Variants in ATP6V1G1 observed in about 807,000 individuals in gnomAD.
The protein encoded by ATP6V1G1 is V-type proton ATPase subunit G 1.
In ATP6V1G1, 14 loss-of-function variants were observed where a neutral mutation model predicts 14.2. That is an observed-to-expected ratio of 0.99 (90% CI 0.65 to 1.55). The LOEUF is 1.55. Ranked by LOEUF, ATP6V1G1 falls within the 40% of genes most tolerant of loss-of-function variation. The pLI is 0.00. For synonymous variants in ATP6V1G1, 65 were observed against 53.3 expected (o/e 1.22, Z -0.96); for missense variants, 137 against 146.4 (o/e 0.94, Z 0.33).
chr9:114,587,790 C>A lies in ATP6V1G1; in HGVS notation c.-49C>A. 1.9e-6 allele frequency: 3 copies of A among 1,547,028 alleles called. No individual in the cohort carries two copies. The highest frequency in any genetic ancestry group is 8.8e-7 in the Non-Finnish European group (1 of 1,142,734). On this transcript the variant is annotated 5_prime_UTR_variant, in exon 1 of 3. Coordinates refer to ENST00000374050, the MANE Select transcript of ATP6V1G1 (RefSeq NM_004888.4). ...GGCTGTGTCAGCTGACCCAAGGGGC[C>A]TTCGAGGTGCCTTAGGCCGCTTGCC...
chr9:114,597,237 G>A (rs1436280556), intron 2 of ATP6V1G1, among the ~76,000 whole-genome samples: 2 of 151,978 alleles, frequency 1.3e-5, no homozygotes, highest in African/African-American at 2.4e-5. Flanking sequence ...TGATCCGCCC[G>A]CCTCGGCCTC....
At chr9:114,597,472 G>C in intron 2 of ATP6V1G1, 98 bp from the exon 3 acceptor site, 1 of 1,269,982 alleles carries the variant, frequency 7.9e-7, no homozygotes, top group South Asian at 2.2e-5. Context: ...AGGTGAGCCT[G>C]GGTTTCTCCA....
At chr9:114,588,020 G>GAA in intron 1 of ATP6V1G1, 100 bp downstream of exon 1, 1 of 1,289,644 alleles carries the variant, frequency 7.8e-7, no homozygotes, top group Non-Finnish European at 1.1e-6. Flanking sequence ...TGCGGGGTGC[G>GAA]GGCGTGCGTA....
In ATP6V1G1 at chr9:114,594,280, G is replaced by A. The variant is rs148349954; in HGVS notation, c.183+1628G>A. On this transcript the variant is annotated intron_variant, in intron 2 of 2. Transcript: ENST00000374050. ...GATGGGGTTTCTCCTTGTTGGTCAGGCTTGTCTTGAACTCCCGACCGCAGG... is the reference window on the plus strand; with the variant it reads ...GATGGGGTTTCTCCTTGTTGGTCAGACTTGTCTTGAACTCCCGACCGCAGG... Among the ~76,000 whole-genome samples, 476 of 151,996 alleles carry A rather than the reference G, an allele frequency of 3.1e-3. 2 individuals are homozygous for A. The highest frequency in any genetic ancestry group is 0.011 in the African/African-American group (458 of 41,472).
At chr9:114,597,466 G>A (rs575833589) in intron 2 of ATP6V1G1, 104 bp from the exon 3 acceptor site, 4 of 1,208,908 alleles carry the variant, frequency 3.3e-6, no homozygotes, top group Non-Finnish European at 4.4e-6. Flanking sequence ...ACTGATAGGT[G>A]AGCCTGGGTT....
chr9:114,592,913 A>C (rs1053824502), intron 2 of ATP6V1G1, among the ~76,000 whole-genome samples: 9 of 152,224 alleles, frequency 5.9e-5, no homozygotes, highest in African/African-American at 2.2e-4. Context: ...GCTAGATGCT[A>C]GGGATCAGTT....
At chr9:114,591,389 AT>A (rs768596229) in intron 1 of ATP6V1G1, among the ~76,000 whole-genome samples, 16 of 152,302 alleles carry the variant, frequency 1.1e-4, no homozygotes, top group Middle Eastern at 3.4e-3. Context: ...CATGAGTGTT[AT>A]TTATAGATTG....
At chr9:114,589,528 A>G (rs1214387026) in intron 1 of ATP6V1G1, among the ~76,000 whole-genome samples, 2 of 152,120 alleles carry the variant, frequency 1.3e-5, no homozygotes, top group East Asian at 1.9e-4. Flanking sequence ...TGTCTCCTCT[A>G]CTTGTGCAGT....
At chr9:114,592,193 A>T (rs1845188884) in intron 1 of ATP6V1G1, among the ~76,000 whole-genome samples, 1 of 152,204 alleles carries the variant, frequency 6.6e-6, no homozygotes, top group South Asian at 2.1e-4. Context: ...AGCATACTTA[A>T]GGTGTTTACT....
chr9:114,597,173 G>T (rs1845248378), intron 2 of ATP6V1G1, among the ~76,000 whole-genome samples: 1 of 151,550 alleles, frequency 6.6e-6, no homozygotes, highest in South Asian at 2.1e-4. Context: ...TGTATTTTTA[G>T]TAGAGACGGG....
intron 1 of ATP6V1G1, chr9:114,588,230 C>G (rs1011938375): frequency 9.0e-6 from 3 of 335,030 alleles, no homozygotes; most frequent in East Asian, 5.3e-5. Context: ...CTTAACCGCT[C>G]TGGGGTGGTC....
In ATP6V1G1 at chr9:114,592,668, T is replaced by G; in HGVS notation, c.183+16T>G. On this transcript the variant is annotated intron_variant, in intron 2 of 2. Transcript: ENST00000374050. ...GGAAGCTGCGGTGGGGCACCATTTG[T>G]TTTTGTTACTGCTTTAGTTTCTGAT... 6.4e-7 allele frequency: 1 copy of G among 1,559,502 alleles called. No homozygotes were observed. The highest frequency in any genetic ancestry group is 8.7e-7 in the Non-Finnish European group (1 of 1,150,648).
chr9:114,591,811 T>C (rs1261054547), intron 1 of ATP6V1G1, among the ~76,000 whole-genome samples: 1 of 152,204 alleles, frequency 6.6e-6, no homozygotes, highest in Non-Finnish European at 1.5e-5. Context: ...CCTCTCTTTT[T>C]TTTTTTTTAT....
At position 114,597,077 on chromosome 9, in the gene ATP6V1G1, G is replaced by A. The variant is rs978743641; in HGVS notation, c.184-493G>A. ...GCGATCTTGGCTCACTGCAAGCTCC[G>A]CCTCCCGGGTTCACGCCATTCTCCT... On this transcript the variant is annotated intron_variant, in intron 2 of 2. Transcript: ENST00000374050. 4.4e-5 allele frequency among the ~76,000 whole-genome samples: 6 copies of A among 136,326 alleles called. No homozygotes were observed. In the East Asian group the frequency reaches 1.2e-3, roughly 28 times the overall value. 89.4% of individuals were successfully genotyped at this position (136,326 alleles called of 152,430 possible).
chr9:114,588,268 C>A (rs183110092), intron 1 of ATP6V1G1: 3 of 278,862 alleles, frequency 1.1e-5, no homozygotes, highest in Admixed American at 1.1e-4. Flanking sequence ...CCAGCATCCA[C>A]ACAGTTGCTT....
At position 114,595,905 on chromosome 9, in the gene ATP6V1G1, GTATA is replaced by G. The variant is rs1248148015; in HGVS notation, c.184-1660_184-1657del. ...GGATGTTATTAGCATATATATATAT[GTATA>G]TATAGTGAGGCAAGAACAGGTTAGG... is the stretch of plus-strand genomic sequence containing the variant. On this transcript the variant is annotated intron_variant, in intron 2 of 2. Transcript: ENST00000374050. Among the ~76,000 whole-genome samples, 17 of 152,156 alleles carry G rather than the reference GTATA, an allele frequency of 1.1e-4. No homozygotes were observed. In the South Asian group the frequency reaches 3.5e-3, roughly 32 times the overall value.
At chr9:114,597,285 C>T (rs1845249715) in intron 2 of ATP6V1G1, among the ~76,000 whole-genome samples, 1 of 152,094 alleles carries the variant, frequency 6.6e-6, no homozygotes, top group Admixed American at 6.5e-5. Flanking sequence ...CCACCGCGCC[C>T]GGCCTATATA....
At chr9:114,597,365 A>G (rs959485050) in intron 2 of ATP6V1G1, among the ~76,000 whole-genome samples, 4 of 152,210 alleles carry the variant, frequency 2.6e-5, no homozygotes, top group African/African-American at 7.2e-5. Flanking sequence ...AATACTGTGT[A>G]GTTTACTTTT....
intron 1 of ATP6V1G1, among the ~76,000 whole-genome samples, chr9:114,591,085 C>T (rs561558807): frequency 9.2e-5 from 14 of 152,288 alleles, no homozygotes; most frequent in African/African-American, 2.6e-4. Context: ...TGAGCCAGCG[C>T]GCCCGGCGTG....
Sources: allele counts gnomAD v4.1 joint callset (sites outside exome capture counted in the v4.1 genomes callset), GRCh38; gene constraint gnomAD v4.1.1; transcripts MANE v1.5; gene names NCBI Gene and HGNC (gene_info 2026-07-23, HGNC 2026-07-21).